The following AFP variants were observed in gnomAD, a reference collection of about 807,000 sequenced individuals.
AFP encodes alpha-fetoprotein.
Under a neutral mutation model 78.9 loss-of-function variants are expected in AFP, and 64 were observed. The ratio of observed to expected loss-of-function variants is 0.81; its 90% CI spans 0.66 to 1.00. AFP has a LOEUF of 1.00. Among genes scored for constraint, AFP ranks in the 50% least tolerant of loss-of-function variants. The probability of loss-of-function intolerance (pLI) is 0.00; values close to 1 mark genes in which losing one functional copy is unlikely to be tolerated. For missense variants in AFP, 689 were observed against 703.8 expected, an observed-to-expected ratio of 0.98 and a Z score of 0.24; for synonymous variants, 254 against 243.8, an observed-to-expected ratio of 1.04 and a Z score of -0.39.
chr4:73,442,546 A>T, intron 5 of AFP, 118 bp downstream of exon 5: 3 of 1,229,338 alleles, frequency 2.4e-6, no homozygotes, highest in Non-Finnish European at 2.4e-6. Context: ...GGAATAGAGA[A>T]ATAGTTCAGC....
Position 73,442,428 on chromosome 4 carries a change from G to T in AFP, c.615G>T (p.Lys205Asn), listed in dbSNP as rs1308781257. ...ATGCAGTTGAATGCTTCCAAACAAAGGTATCATATTTGCGTGGATATCTGA... is the reference window on the plus strand; with the variant it reads ...ATGCAGTTGAATGCTTCCAAACAAATGTATCATATTTGCGTGGATATCTGA... Reference protein sequence around the residue: ...AENAVECFQTKAATVTKELRE... With the variant: ...AENAVECFQTNAATVTKELRE... Residue 205 changes from lysine to asparagine, a missense_variant and splice_region_variant, in exon 5 of 15, where the codon AAG (lysine) becomes AAT (asparagine). Lys to Asn is a moderately conservative substitution (Grantham distance 94, BLOSUM62 0). Transcript: ENST00000395792. 6 of 1,613,748 alleles carry T rather than the reference G, an allele frequency of 3.7e-6. No individual in the cohort carries two copies. The highest frequency in any genetic ancestry group is 5.1e-6 in the Non-Finnish European group (6 of 1,179,946).
At chr4:73,447,263 G>GAA (rs1270067012) in intron 7 of AFP, among the ~76,000 whole-genome samples, 199 bp from the exon 8 acceptor site, 3 of 151,842 alleles carry the variant, frequency 2.0e-5, no homozygotes, top group African/African-American at 7.2e-5. Context: ...ATAAAATTAT[G>GAA]TAATTTCTTC....
At position 73,442,335 on chromosome 4, in the gene AFP, T is replaced by C. The variant is rs774860521; in HGVS notation, c.522T>C (p.Tyr174=). 1 of 1,613,978 alleles carries C rather than the reference T, an allele frequency of 6.2e-7. No individual in the cohort carries two copies. The highest frequency in any genetic ancestry group is 8.5e-7 in the Non-Finnish European group (1 of 1,179,860). The change falls in exon 5 of 15, where the codon TAT becomes TAC. Residue 174 remains tyrosine, a synonymous_variant. Coordinates refer to ENST00000395792, the MANE Select transcript of AFP (RefSeq NM_001134.3). ...YEIARRHPFL[Y]APTILLWAAR... is the part of the protein sequence containing the mutation. ...TAGCAAGAAGGCATCCCTTCCTGTA[T>C]GCACCTACAATTCTTCTTTGGGCTG...
At position 73,452,592 on chromosome 4, in the gene AFP, T is replaced by C; in HGVS notation, c.1620T>C (p.Ala540=). 1.2e-6 allele frequency: 2 copies of C among 1,613,900 alleles called. No homozygotes were observed. Among genetic ancestry groups the C allele is most frequent in the Non-Finnish European group, 1.7e-6 (2 of 1,179,878 alleles). The stretch of plus-strand genomic sequence containing the variant: ...TTTTCCATAAGGATCTGTGCCAAGC[T>C]CAGGGTGTAGCGCTGCAAACAATGA... ...KFIFHKDLCQ[A]QGVALQTMKQ... is the part of the protein sequence containing the mutation. Residue 540 remains alanine, a synonymous_variant, in exon 12 of 15, where the codon GCT becomes GCC. Coordinates refer to ENST00000395792, the MANE Select transcript of AFP (RefSeq NM_001134.3).
chr4:73,451,871 C>G (rs1720001383), intron 11 of AFP, among the ~76,000 whole-genome samples: 1 of 152,146 alleles, frequency 6.6e-6, no homozygotes, highest in African/African-American at 2.4e-5. Context: ...CCTAAGTAGG[C>G]AAGGTAGCAA....
At chr4:73,445,204 T>C in intron 7 of AFP, 82 bp downstream of exon 7, 2 of 1,553,916 alleles carry the variant, frequency 1.3e-6, no homozygotes, top group Non-Finnish European at 1.8e-6. Flanking sequence ...GAGAAGGTTG[T>C]TTGACTTGAA....
chr4:73,439,063 T>G (rs1719591087), intron 3 of AFP, among the ~76,000 whole-genome samples: 1 of 152,172 alleles, frequency 6.6e-6, no homozygotes, highest in South Asian at 2.1e-4. Flanking sequence ...TCGTTAGGGT[T>G]GCCAGGTTTA....
At chr4:73,439,156 C>T (rs755218987) in intron 3 of AFP, among the ~76,000 whole-genome samples, 3 of 152,110 alleles carry the variant, frequency 2.0e-5, no homozygotes, top group Non-Finnish European at 4.4e-5. Context: ...AAGGATATTT[C>T]ATTGTAGAAG....
chr4:73,442,343 C>A lies in AFP; in HGVS notation c.530C>A (p.Thr177Lys), dbSNP rs151308004. 6.2e-7 allele frequency: 1 copy of A among 1,613,808 alleles called. No individual in the cohort carries two copies. The highest frequency in any genetic ancestry group is 8.5e-7 in the Non-Finnish European group (1 of 1,179,850). The change falls in exon 5 of 15, where the codon ACA becomes AAA. Residue 177 changes from threonine (T) to lysine (K), a missense_variant. By Grantham distance (78) the Thr-to-Lys change is moderately conservative. Transcript: ENST00000395792. The stretch of plus-strand genomic sequence containing the variant: ...AGGCATCCCTTCCTGTATGCACCTA[C>A]AATTCTTCTTTGGGCTGCTCGCTAT... The part of the protein sequence containing the change: ...ARRHPFLYAP[T>K]ILLWAARYDK...
At chr4:73,449,835 T>A (rs2149336049) in intron 9 of AFP, among the ~76,000 whole-genome samples, 1 of 152,338 alleles carries the variant, frequency 6.6e-6, no homozygotes, top group South Asian at 2.1e-4. Flanking sequence ...TGCCATTAAA[T>A]GATTTTGTGA....
Position 73,450,127 on chromosome 4 carries a change from A to G in AFP, c.1283A>G (p.Gln428Arg). The change falls in exon 10 of 15, where the codon CAA (glutamine) becomes CGA (arginine). Residue 428 changes from glutamine to arginine, a missense_variant. Gln to Arg is a conservative substitution (Grantham distance 43). Transcript: ENST00000395792. ...LFQKLGEYYLQNAFLVAYTKK... is the reference protein window; with the variant it reads ...LFQKLGEYYLRNAFLVAYTKK... ...CAGAAACTAGGAGAATATTACTTAC[A>G]AAATGCGTATGTTTTTGTAAACAGT... 1 of 1,609,740 alleles carries G rather than the reference A, an allele frequency of 6.2e-7. No individual in the cohort carries two copies. Among genetic ancestry groups the G allele is most frequent in the Non-Finnish European group, 8.5e-7 (1 of 1,176,376 alleles).
intron 3 of AFP, among the ~76,000 whole-genome samples, chr4:73,439,734 G>T (rs2149333179): frequency 6.6e-6 from 1 of 152,210 alleles, no homozygotes; most frequent in South Asian, 2.1e-4. Flanking sequence ...AAGTCACAGA[G>T]GAGGAAACAC....
At chr4:73,443,824 A>T (rs945849461) in intron 6 of AFP, among the ~76,000 whole-genome samples, 1 of 152,184 alleles carries the variant, frequency 6.6e-6, no homozygotes, top group Non-Finnish European at 1.5e-5. Context: ...TTTTGCCTTA[A>T]CAAGAAATTC....
intron 8 of AFP, among the ~76,000 whole-genome samples, chr4:73,447,911 A>C (rs571942558): frequency 6.6e-6 from 1 of 152,270 alleles, no homozygotes; most frequent in South Asian, 2.1e-4. Flanking sequence ...TGCTTTGCTT[A>C]TGAAGCTGAA....
chr4:73,452,387 A>G lies in AFP; in HGVS notation c.1429-14A>G. 6.2e-7 allele frequency: 1 copy of G among 1,611,564 alleles called. No individual in the cohort carries two copies. Among genetic ancestry groups the G allele is most frequent in the Non-Finnish European group, 8.5e-7 (1 of 1,177,924 alleles). On this transcript the variant is annotated splice_polypyrimidine_tract_variant and intron_variant, in intron 11 of 14. Coordinates refer to ENST00000395792, the MANE Select transcript of AFP (RefSeq NM_001134.3). Reference sequence around the variant, plus strand: ...CCCAATCTCCTTACTTTTTTTTCTCATTCTCCTAACCAGGCTGACATTATT... The same window carrying G: ...CCCAATCTCCTTACTTTTTTTTCTCGTTCTCCTAACCAGGCTGACATTATT...
At chr4:73,455,379 A>C (rs1046314519) in intron 14 of AFP, 89 bp downstream of exon 14, 13 of 1,080,468 alleles carry the variant, frequency 1.2e-5, no homozygotes, top group Non-Finnish European at 1.4e-6. Context: ...GAGTGCCATT[A>C]ATTCTCTTAA....
chr4:73,452,936 T>C (rs777880103), intron 12 of AFP, among the ~76,000 whole-genome samples: 8 of 152,196 alleles, frequency 5.3e-5, no homozygotes, highest in Non-Finnish European at 8.8e-5. Context: ...AGTGTATCTT[T>C]GCAGCAAATT....
chr4:73,449,239 C>A, intron 8 of AFP, 96 bp from the exon 9 acceptor site: 2 of 1,122,086 alleles, frequency 1.8e-6, no homozygotes, highest in Non-Finnish European at 2.6e-6. Context: ...AATTTAACTT[C>A]CACATGCCAT....
rs780155505 is a variant in AFP at position 73,450,024 on chromosome 4, C to T, written c.1192-12C>T. On this transcript the variant is annotated splice_polypyrimidine_tract_variant and intron_variant, in intron 9 of 14. Coordinates refer to ENST00000395792, the MANE Select transcript of AFP (RefSeq NM_001134.3). ...AAAGAAAAATGTATATGTAATAATT[C>T]TTCATTTTCAGGAAGAAGAATTACA... 1.3e-6 allele frequency: 2 copies of T among 1,597,692 alleles called. No homozygotes were observed. Among genetic ancestry groups the T allele is most frequent in the South Asian group, 2.2e-5 (2 of 90,116 alleles).
Sources: allele counts gnomAD v4.1 joint callset (sites outside exome capture counted in the v4.1 genomes callset), GRCh38; gene constraint gnomAD v4.1.1; transcripts MANE v1.5; gene names NCBI Gene and HGNC (gene_info 2026-07-23, HGNC 2026-07-21).